Variants in PEX13 observed in about 807,000 individuals in gnomAD.
PEX13 encodes peroxisome biogenesis factor 13.
In PEX13, 28 loss-of-function variants were observed where a neutral mutation model predicts 34.5. The ratio of observed to expected loss-of-function variants is 0.81; its 90% CI spans 0.60 to 1.11. The LOEUF (loss-of-function observed/expected upper bound fraction) is 1.11, where lower values mean the gene tolerates loss of function less well. Ranked by LOEUF, PEX13 falls within the 50% of genes most tolerant of loss-of-function variation. The pLI, the probability that PEX13 is intolerant of heterozygous loss-of-function variation, is 0.00. For missense variants in PEX13, 550 were observed against 491.0 expected (o/e 1.12, Z -1.13); for synonymous variants, 177 against 175.1 (o/e 1.01, Z -0.09).
rs887372492 is a variant in PEX13, at chr2:61,051,652, A to T, written c.*2882A>T. The T allele has an allele frequency of 1.3e-5, 2 of 152,244 alleles. No individual in the cohort carries two copies. The highest frequency in any genetic ancestry group is 4.8e-5 in the African/African-American group (2 of 41,462). 9.4% of individuals were successfully genotyped at this position (152,244 alleles called of 1,614,324 possible). A position where few individuals can be genotyped will look rare whatever the true frequency, so the allele number is the denominator to read the frequency against. On this transcript the variant is annotated 3_prime_UTR_variant, in exon 4 of 4. Transcript: ENST00000295030. ...ATTATTTTTAGGAACTTATTTAAGGAGTGCTACTTTACAGAAATTACTAAC... is the reference window on the plus strand; with the variant it reads ...ATTATTTTTAGGAACTTATTTAAGGTGTGCTACTTTACAGAAATTACTAAC...
rs1460516236 is a variant in PEX13, at chr2:61,049,211, T to C, written c.*441T>C. ...GCAAAAGGTAAATTTTTTTTTTTTT[T>C]TACAACCTTAAGTAATCTCAATAAT... On this transcript the variant is annotated 3_prime_UTR_variant, in exon 4 of 4. Transcript: ENST00000295030. The C allele has an allele frequency of 3.0e-5, 5 of 164,994 alleles. 1 individual carries two copies. Among genetic ancestry groups the C allele is most frequent in the Admixed American group, 2.9e-4 (5 of 17,354 alleles). The allele number at this position is 164,994 out of a possible 1,614,324, so 10.2% of individuals were successfully genotyped here. A position where few individuals can be genotyped will look rare whatever the true frequency, so the allele number is the denominator to read the frequency against.
chr2:61,021,810 C>T (rs1390715211), intron 1 of PEX13, among the ~76,000 whole-genome samples: 2 of 152,152 alleles, frequency 1.3e-5, no homozygotes, highest in Non-Finnish European at 2.9e-5. Flanking sequence ...CCCTCTGGGA[C>T]AAAGCTTCCA....
In PEX13 at chr2:61,048,456, C is replaced by CA. The variant is rs768757690; in HGVS notation, c.914-16_914-15insA. Reference sequence around the variant, plus strand: ...AAGTATATTGTAATTACAAGACTGTCTTTTTTTTCCATCAGAACAACAACC... The same window carrying CA: ...AAGTATATTGTAATTACAAGACTGTCATTTTTTTTCCATCAGAACAACAACC... On this transcript the variant is annotated splice_polypyrimidine_tract_variant and intron_variant, in intron 3 of 3. Coordinates refer to ENST00000295030, the MANE Select transcript of PEX13 (RefSeq NM_002618.4). 92 of 1,607,388 alleles carry CA rather than the reference C, an allele frequency of 5.7e-5. No individual in the cohort carries two copies. The highest frequency in any genetic ancestry group is 7.6e-5 in the Non-Finnish European group (89 of 1,174,870).
At chr2:61,041,780 A>C (rs1680628973) in intron 2 of PEX13, among the ~76,000 whole-genome samples, 1 of 152,166 alleles carries the variant, frequency 6.6e-6, no homozygotes, top group Admixed American at 6.6e-5. Flanking sequence ...TTTAGGCTAA[A>C]AGAAAGGAGT....
At chr2:61,035,489 G>A (rs1294315052) in intron 2 of PEX13, among the ~76,000 whole-genome samples, 1 of 152,208 alleles carries the variant, frequency 6.6e-6, no homozygotes, top group Non-Finnish European at 1.5e-5. Context: ...GTTGACAGAA[G>A]TAGGCTTCCA....
Position 61,031,829 on chromosome 2 carries a change from T to C in PEX13, c.503T>C (p.Phe168Ser). The change falls in exon 2 of 4, where the codon TTT (phenylalanine) becomes TCT (serine). Residue 168 changes from phenylalanine to serine, a missense_variant. Phe to Ser is a radical substitution (Grantham distance 155). Coordinates refer to ENST00000295030, the MANE Select transcript of PEX13 (RefSeq NM_002618.4). ...FRAVLDVANH[F>S]SRLKIHFTKV... The stretch of plus-strand genomic sequence containing the variant: ...GCTGTATTGGATGTAGCAAATCACT[T>C]TTCCCGATTGAAAATACACTTTACA... The C allele has an allele frequency of 6.2e-7, 1 of 1,613,736 alleles. No homozygotes were observed. The highest frequency in any genetic ancestry group is 1.1e-5 in the South Asian group (1 of 91,084).
rs776838433 is a variant in PEX13, at chr2:61,048,610, A to C, written c.1052A>C (p.Gln351Pro). ...KTVESSKVSK[Q>P]QQSFTNPTLT... ...GTGGAATCAAGTAAAGTTTCCAAGC[A>C]GCAACAATCTTTTACCAACCCAACA... The change falls in exon 4 of 4, where the codon CAG becomes CCG. Residue 351 changes from glutamine to proline, a missense_variant. Physicochemically the swap from Gln to Pro is moderately conservative, Grantham distance 76. Transcript: ENST00000295030. 2.0e-5 allele frequency: 33 copies of C among 1,614,094 alleles called. No homozygotes were observed. The highest frequency in any genetic ancestry group is 2.6e-5 in the Non-Finnish European group (31 of 1,180,052).
intron 1 of PEX13, among the ~76,000 whole-genome samples, chr2:61,029,139 C>CA (rs539310122): frequency 0.95 from 123,824 of 130,422 alleles, 58,731 homozygotes; most frequent in South Asian, 0.97. Flanking sequence ...ACCCTGTCTC[C>CA]AAAAAAAAAA....
At chr2:61,039,772 C>G (rs987632970) in intron 2 of PEX13, among the ~76,000 whole-genome samples, 1 of 152,100 alleles carries the variant, frequency 6.6e-6, no homozygotes, top group African/African-American at 2.4e-5. Flanking sequence ...AGCTTCTGCA[C>G]AGCAAAAGAA....
intron 1 of PEX13, among the ~76,000 whole-genome samples, chr2:61,027,562 C>T (rs993070409): frequency 1.1e-4 from 16 of 152,178 alleles, no homozygotes; most frequent in African/African-American, 3.9e-4. Context: ...TTCCCAGCCT[C>T]AAGCATTGAA....
At chr2:61,024,529 G>T (rs1680317277) in intron 1 of PEX13, among the ~76,000 whole-genome samples, 2 of 152,092 alleles carry the variant, frequency 1.3e-5, no homozygotes, top group African/African-American at 4.8e-5. Context: ...AGTCATTGAG[G>T]CCGGGTGCAG....
chr2:61,026,553 GGCCAGGCTGGTCT>G lies in PEX13; in HGVS notation c.93-4865_93-4853del, dbSNP rs552092353. On this transcript the variant is annotated intron_variant, in intron 1 of 3. Transcript: ENST00000295030. Reference sequence around the variant, plus strand: ...AGTAGAGACAGTATTTCACCATCTTGGCCAGGCTGGTCTTGAACTCCTGACATTGTGATCCACC... The same window carrying G: ...AGTAGAGACAGTATTTCACCATCTTGTGAACTCCTGACATTGTGATCCACC... 5.7e-4 allele frequency among the ~76,000 whole-genome samples: 86 copies of G among 151,316 alleles called. 2 individuals are homozygous for G. In the South Asian group the frequency reaches 0.017, roughly 30 times the overall value.
chr2:61,032,558 A>G (rs974380280), intron 2 of PEX13, among the ~76,000 whole-genome samples: 2 of 152,220 alleles, frequency 1.3e-5, no homozygotes, highest in African/African-American at 4.8e-5. Context: ...AATTATTTCA[A>G]CAATCCAAAG....
At position 61,021,277 on chromosome 2, in the gene PEX13, G is replaced by A. The variant is rs940334298; in HGVS notation, c.92+3426G>A. 2.6e-5 allele frequency among the ~76,000 whole-genome samples: 4 copies of A among 152,244 alleles called. No homozygotes were observed. The East Asian group carries it at 5.8e-4, about 22-fold the overall frequency. ...TTCCCTTTCCTAACCAAGGGATGCC[G>A]TGACAGACTATACCTGGAAAAATGG... On this transcript the variant is annotated intron_variant, in intron 1 of 3. Coordinates refer to ENST00000295030, the MANE Select transcript of PEX13 (RefSeq NM_002618.4).
intron 1 of PEX13, among the ~76,000 whole-genome samples, chr2:61,019,915 A>G (rs185016911): frequency 1.5e-4 from 23 of 152,358 alleles, no homozygotes; most frequent in Admixed American, 3.3e-4. Flanking sequence ...TATTCCATGA[A>G]TATTGTATAA....
rs111319133 is a variant in PEX13 at position 61,044,165 on chromosome 2, G to A, written c.788-1561G>A. Reference sequence around the variant, plus strand: ...AGATTCCACTGTGTTGCTCAGGCTGGTCTTGAACTCCTGGCCTCAAGCAAT... The same window carrying A: ...AGATTCCACTGTGTTGCTCAGGCTGATCTTGAACTCCTGGCCTCAAGCAAT... On this transcript the variant is annotated intron_variant, in intron 2 of 3. Transcript: ENST00000295030. Among the ~76,000 whole-genome samples, 1,273 of 152,266 alleles carry A rather than the reference G, an allele frequency of 8.4e-3. 28 individuals carry two copies. The highest frequency in any genetic ancestry group is 0.029 in the African/African-American group (1,195 of 41,546).
chr2:61,050,027 C>T lies in PEX13; in HGVS notation c.*1257C>T, dbSNP rs1573562815. 6.6e-6 allele frequency: 1 copy of T among 152,240 alleles called. No homozygotes were observed. The highest frequency in any genetic ancestry group is 1.5e-5 in the Non-Finnish European group (1 of 68,040). 9.4% of individuals were successfully genotyped at this position (152,240 alleles called of 1,614,324 possible). A position where few individuals can be genotyped will look rare whatever the true frequency, so the allele number is the denominator to read the frequency against. ...TATTGAAAATGTGTCACATTGGATA[C>T]ATTTTTCTTTTAGGTTTAGTTTTTA... On this transcript the variant is annotated 3_prime_UTR_variant, in exon 4 of 4. Coordinates refer to ENST00000295030, the MANE Select transcript of PEX13 (RefSeq NM_002618.4).
At chr2:61,045,585 C>G in intron 2 of PEX13, 141 bp from the exon 3 acceptor site, 2 of 665,298 alleles carry the variant, frequency 3.0e-6, no homozygotes, top group Admixed American at 2.4e-5. Flanking sequence ...GTTGATTTAA[C>G]ATAGTATTCA....
At chr2:61,028,657 G>C (rs1376187498) in intron 1 of PEX13, among the ~76,000 whole-genome samples, 1 of 151,978 alleles carries the variant, frequency 6.6e-6, no homozygotes, top group Non-Finnish European at 1.5e-5. Flanking sequence ...AAAGTGCTGG[G>C]ATTACAGGCA....
Sources: gnomAD v4.1 joint callset for allele counts (sites outside exome capture counted in the v4.1 genomes callset) on GRCh38, gnomAD v4.1.1 for gene constraint, MANE v1.5 for transcripts, NCBI Gene and HGNC (gene_info 2026-07-23, HGNC 2026-07-21) for gene names.